Variants in MGAT4C observed in about 807,000 individuals in gnomAD.
The protein encoded by MGAT4C is MGAT4 family member C.
Under a neutral mutation model 40.1 loss-of-function variants are expected in MGAT4C, and 19 were observed. The observed-to-expected ratio is 0.47, with a 90% CI of 0.33 to 0.70. The LOEUF is 0.70. Ranked by LOEUF, MGAT4C falls within the 30% of genes least tolerant of loss-of-function variation. The pLI is 0.02. For synonymous variants in MGAT4C, 181 were observed against 187.1 expected, an observed-to-expected ratio of 0.97 and a Z score of 0.27; for missense variants, 491 against 563.2, an observed-to-expected ratio of 0.87 and a Z score of 1.30.
chr12:86,637,544 A>G (rs1388437588), intron 2 of MGAT4C, among the ~76,000 whole-genome samples: 3 of 151,898 alleles, frequency 2.0e-5, no homozygotes, highest in Admixed American at 2.0e-4. Flanking sequence ...CCTTAACTTT[A>G]TTTCTGAAGT....
intron 1 of MGAT4C, among the ~76,000 whole-genome samples, chr12:86,063,700 A>G (rs1894222078): frequency 6.6e-6 from 1 of 152,232 alleles, no homozygotes; most frequent in Non-Finnish European, 1.5e-5. Flanking sequence ...AAAGGGGTGG[A>G]GGAATATTTA....
chr12:86,128,115 A>G (rs887324703), intron 1 of MGAT4C, among the ~76,000 whole-genome samples: 5 of 152,176 alleles, frequency 3.3e-5, no homozygotes, highest in African/African-American at 9.7e-5. Flanking sequence ...TAGCCAACAC[A>G]TGAGGAATGC....
chr12:86,298,059 G>A lies in MGAT4C; in HGVS notation c.-57+36006C>T, dbSNP rs372511401. Reference sequence around the variant, plus strand: ...TACATGCACACAACTAGTAGAAGACGGTGAACAGAAGAGGGTGTAGGGCAA... The same window carrying A: ...TACATGCACACAACTAGTAGAAGACAGTGAACAGAAGAGGGTGTAGGGCAA... On this transcript the variant is annotated intron_variant, in intron 4 of 7. Coordinates refer to the MGAT4C transcript ENST00000548651. 9.2e-5 allele frequency among the ~76,000 whole-genome samples: 14 copies of A among 152,060 alleles called. No homozygotes were observed. The East Asian group carries it at 2.1e-3, about 23-fold the overall frequency.
intron 1 of MGAT4C, among the ~76,000 whole-genome samples, chr12:86,804,094 T>C (rs545786816): frequency 6.6e-6 from 1 of 150,422 alleles, no homozygotes; most frequent in South Asian, 2.1e-4. Flanking sequence ...CCATAAAAAA[T>C]GATGAGTTCA....
At chr12:86,478,244 G>C (rs920181360) in intron 2 of MGAT4C, among the ~76,000 whole-genome samples, 3 of 152,150 alleles carry the variant, frequency 2.0e-5, no homozygotes, top group Non-Finnish European at 4.4e-5. Context: ...AATTAGAAAA[G>C]TAGTTGTGAT....
intron 3 of MGAT4C, among the ~76,000 whole-genome samples, chr12:86,361,240 G>T (rs903871126): frequency 9.9e-5 from 15 of 152,108 alleles, no homozygotes; most frequent in African/African-American, 3.4e-4. Context: ...TGGGGAAAGG[G>T]TTCCCTATTT....
At chr12:86,535,850 T>C (rs1032710665) in intron 2 of MGAT4C, among the ~76,000 whole-genome samples, 3 of 152,210 alleles carry the variant, frequency 2.0e-5, no homozygotes, top group Middle Eastern at 3.4e-3. Flanking sequence ...CTTCAAGCCT[T>C]TATTTGTATG....
intron 2 of MGAT4C, among the ~76,000 whole-genome samples, chr12:86,542,286 C>T (rs893786428): frequency 1.3e-5 from 2 of 151,616 alleles, no homozygotes; most frequent in Non-Finnish European, 3.0e-5. Context: ...ACTATGCACA[C>T]CTATTTGCAA....
rs574852603 is a variant in MGAT4C at position 86,431,586 on chromosome 12, C to T, written c.-120+3571G>A. ...AAATGCACTTAACATACTGAACCAA[C>T]TGAACATTATAGCTTAGCCTCACCT... On this transcript the variant is annotated intron_variant, in intron 3 of 7. Coordinates refer to the MGAT4C transcript ENST00000548651. Among the ~76,000 whole-genome samples, 38 of 152,270 alleles carry T rather than the reference C, an allele frequency of 2.5e-4. No homozygotes were observed. The South Asian group carries it at 7.4e-3, about 30-fold the overall frequency.
chr12:86,422,825 T>C (rs1479427188), intron 3 of MGAT4C, among the ~76,000 whole-genome samples: 2 of 152,226 alleles, frequency 1.3e-5, no homozygotes, highest in African/African-American at 2.4e-5. Context: ...GTATCTGGGT[T>C]ACTGTGACAA....
rs1450767303 is a variant in MGAT4C at position 85,980,107 on chromosome 12, CAT to C, written c.617_618del (p.Tyr206CysfsTer5). On this transcript the variant is annotated frameshift_variant, in exon 5 of 5. Transcript: ENST00000611864. LOFTEE classifies it high-confidence loss of function. ...VKFRSKQNVD[Y>X]AFLLNFCANT... ...TTGGCACAAAAATTAAGCAGAAAAG[CAT>C]AATCTACATTTTGCTTGGAACGAAA... 1 of 1,613,658 alleles carries C rather than the reference CAT, an allele frequency of 6.2e-7. No individual in the cohort carries two copies. Among genetic ancestry groups the C allele is most frequent in the Non-Finnish European group, 8.5e-7 (1 of 1,179,810 alleles).
rs1242691094 is a variant in MGAT4C, at chr12:85,959,369, G to A, written c.*19920C>T. The A allele has an allele frequency of 6.6e-6, 1 of 151,934 alleles. No individual in the cohort carries two copies. Among genetic ancestry groups the A allele is most frequent in the African/African-American group, 2.4e-5 (1 of 41,414 alleles). The allele number at this position is 151,934 out of a possible 1,614,324, so 9.4% of individuals were successfully genotyped here. On this transcript the variant is annotated 3_prime_UTR_variant, in exon 5 of 5. Transcript: ENST00000611864. ...AAAATCTAAAGTTTGGTAAATCTTT[G>A]CTTTACAGGGCTTCAAGTTATAGAT... is the stretch of plus-strand genomic sequence containing the variant.
intron 1 of MGAT4C, among the ~76,000 whole-genome samples, chr12:86,223,279 T>C (rs921296626): frequency 4.6e-5 from 7 of 152,274 alleles, no homozygotes; most frequent in South Asian, 4.1e-4. Flanking sequence ...GCTGAAAGGA[T>C]TGCCATCCTC....
chr12:86,611,933 T>G (rs2136476206), intron 2 of MGAT4C, among the ~76,000 whole-genome samples: 1 of 152,282 alleles, frequency 6.6e-6, no homozygotes, highest in South Asian at 2.1e-4. Context: ...TAAATACATT[T>G]TAAGAAATTA....
intron 2 of MGAT4C, among the ~76,000 whole-genome samples, chr12:86,462,286 G>A (rs990948148): frequency 6.6e-6 from 1 of 152,284 alleles, no homozygotes; most frequent in Non-Finnish European, 1.5e-5. Flanking sequence ...GTTAAAGAAT[G>A]TAGTAATTCC....
chr12:86,498,228 C>A lies in MGAT4C; in HGVS notation c.-228-62963G>T, dbSNP rs147777613. 4.4e-4 allele frequency among the ~76,000 whole-genome samples: 67 copies of A among 151,410 alleles called. No individual in the cohort carries two copies. In the East Asian group the frequency reaches 0.013, roughly 29 times the overall value. ...TATTTTAAAAAGTCCCTGATTATGG[C>A]AATTGTCTCAAGTATATGCAGCCAA... is the stretch of plus-strand genomic sequence containing the variant. On this transcript the variant is annotated intron_variant, in intron 2 of 7. Coordinates refer to the MGAT4C transcript ENST00000548651.
intron 2 of MGAT4C, among the ~76,000 whole-genome samples, chr12:86,504,803 C>T (rs1444961726): frequency 6.6e-6 from 1 of 152,200 alleles, no homozygotes; most frequent in Non-Finnish European, 1.5e-5. Context: ...TCTCCTGCCT[C>T]AGCCTCCTGA....
intron 2 of MGAT4C, among the ~76,000 whole-genome samples, chr12:86,639,996 C>A (rs1157821368): frequency 6.6e-6 from 1 of 151,634 alleles, no homozygotes; most frequent in Non-Finnish European, 1.5e-5. Context: ...TATAGTTACA[C>A]TTATTTTTTC....
chr12:86,192,735 T>A (rs1017698518), intron 1 of MGAT4C, among the ~76,000 whole-genome samples: 4 of 152,202 alleles, frequency 2.6e-5, no homozygotes, highest in Admixed American at 2.6e-4. Flanking sequence ...TCTACATCCT[T>A]ATGGTTTTTT....
Sources: allele counts gnomAD v4.1 joint callset (sites outside exome capture counted in the v4.1 genomes callset), GRCh38; gene constraint gnomAD v4.1.1; transcripts MANE v1.5; gene names NCBI Gene and HGNC (gene_info 2026-07-23, HGNC 2026-07-21).